Variants in SLC25A14 observed in about 807,000 individuals in gnomAD.
The protein encoded by SLC25A14 is solute carrier family 25 member 14, also known as brain mitochondrial carrier protein 1.
A neutral mutation model predicts 28.1 loss-of-function variants in SLC25A14; 8 were observed. The ratio of observed to expected loss-of-function variants is 0.28; its 90% CI spans 0.17 to 0.51. SLC25A14 has a LOEUF of 0.51. Ranked by LOEUF, SLC25A14 falls within the 20% of genes least tolerant of loss-of-function variation. The pLI is 0.97. For synonymous variants in SLC25A14, 74 were observed against 90.6 expected, an observed-to-expected ratio of 0.82 and a Z score of 1.04; for missense variants, 135 against 263.8, an observed-to-expected ratio of 0.51 and a Z score of 3.38.
chrX:130,340,046 G>T, intron 1 of SLC25A14, 61 bp from the exon 2 acceptor site: 3 of 1,014,550 alleles, frequency 3.0e-6, no homozygotes, highest in Non-Finnish European at 3.8e-6. Context: ...GCGGGGCCGG[G>T]CTGGCCTGGT....
intron 9 of SLC25A14, among the ~76,000 whole-genome samples, chrX:130,366,738 C>T (rs1028073450): frequency 8.9e-6 from 1 of 112,127 alleles, no homozygotes; most frequent in Non-Finnish European, 1.9e-5. Flanking sequence ...ATTAGCTTTG[C>T]ATTTTAAATA....
intron 3 of SLC25A14, among the ~76,000 whole-genome samples, chrX:130,345,856 C>A (rs1313800998): frequency 3.6e-5 from 4 of 111,019 alleles, no homozygotes; most frequent in African/African-American, 1.3e-4. Flanking sequence ...TACCTAATCA[C>A]CTTGTTAGTT....
intron 6 of SLC25A14, 152 bp from the exon 7 acceptor site, chrX:130,358,488 A>T: frequency 2.5e-6 from 1 of 400,773 alleles, no homozygotes; most frequent in Non-Finnish European, 4.4e-6. Flanking sequence ...TAACTAATTA[A>T]CTTTATCATA....
intron 2 of SLC25A14, among the ~76,000 whole-genome samples, chrX:130,342,868 T>G (rs1320940427): frequency 1.8e-5 from 2 of 108,364 alleles, no homozygotes; most frequent in African/African-American, 6.8e-5. Context: ...TAAATACATT[T>G]AGCTGAAAAA....
At chrX:130,369,185 T>G (rs1230912712) in intron 9 of SLC25A14, among the ~76,000 whole-genome samples, 2 of 111,340 alleles carry the variant, frequency 1.8e-5, no homozygotes, top group Non-Finnish European at 3.8e-5. Flanking sequence ...TAGTCTTAGC[T>G]ACTCGGGAGG....
At chrX:130,370,549 C>G (rs1021349998) in intron 9 of SLC25A14, among the ~76,000 whole-genome samples, 1 of 111,817 alleles carries the variant, frequency 8.9e-6, no homozygotes, top group Admixed American at 9.5e-5. Flanking sequence ...TATAAGACCC[C>G]TGTTGTATAA....
At chrX:130,345,494 T>C (rs1263586651) in intron 3 of SLC25A14, among the ~76,000 whole-genome samples, 1 of 111,791 alleles carries the variant, frequency 8.9e-6, no homozygotes, top group East Asian at 2.8e-4. Context: ...GGTAGTTTAG[T>C]GATTTGTTAG....
chrX:130,365,097 A>G, intron 8 of SLC25A14: 1 of 800,582 alleles, frequency 1.2e-6, no homozygotes, highest in Non-Finnish European at 1.5e-6. Flanking sequence ...TGGGAATCAG[A>G]AAAAAAGGGG....
At chrX:130,343,903 G>A (rs761393129) in intron 2 of SLC25A14, among the ~76,000 whole-genome samples, 1 of 112,052 alleles carries the variant, frequency 8.9e-6, no homozygotes, top group African/African-American at 3.2e-5. Flanking sequence ...TGGAGGCATA[G>A]AGAGATTAAC....
At chrX:130,372,839 C>T (rs2034298887) in intron 10 of SLC25A14, 70 bp from the exon 11 acceptor site, 16 of 708,157 alleles carry the variant, frequency 2.3e-5, no homozygotes, top group Admixed American at 1.9e-4. Context: ...TAAGAGAATG[C>T]GATGCTAATT....
chrX:130,352,150 T>A, intron 6 of SLC25A14, among the ~76,000 whole-genome samples: 1 of 112,012 alleles, frequency 8.9e-6, no homozygotes, highest in Middle Eastern at 4.6e-3. Flanking sequence ...CTCCCACTTA[T>A]AAGTGAGAAC....
At chrX:130,359,646 T>G (rs1030154925) in intron 7 of SLC25A14, among the ~76,000 whole-genome samples, 7 of 110,577 alleles carry the variant, frequency 6.3e-5, no homozygotes, top group African/African-American at 2.3e-4. Flanking sequence ...GAGAGTGGAA[T>G]GGGAAATCTA....
At chrX:130,361,948 T>G (rs372975531) in intron 7 of SLC25A14, among the ~76,000 whole-genome samples, 1 of 110,954 alleles carries the variant, frequency 9.0e-6, no homozygotes, top group African/African-American at 3.3e-5. Flanking sequence ...GGGCTCCAGT[T>G]TGGGGCCTTA....
At position 130,362,101 on chromosome X, in the gene SLC25A14, TTTTATTTATTTA is replaced by T. The variant is rs756869110; in HGVS notation, c.595-2487_595-2476del. On this transcript the variant is annotated intron_variant, in intron 7 of 10. Transcript: ENST00000545805. ...GCATAGCTGTGTCACTTCCACTTCA[TTTTATTTATTTA>T]TTTATTTATTTATTTATTTATTTAT... 8.1e-3 allele frequency among the ~76,000 whole-genome samples: 779 copies of T among 95,737 alleles called. 7 individuals carry two copies. The highest frequency in any genetic ancestry group is 0.025 in the African/African-American group (634 of 24,873). 83.1% of individuals were successfully genotyped at this position (95,737 alleles called of 115,157 possible).
chrX:130,357,730 C>T (rs1445443422), intron 6 of SLC25A14, among the ~76,000 whole-genome samples: 3 of 111,824 alleles, frequency 2.7e-5, no homozygotes, highest in Non-Finnish European at 5.6e-5. Context: ...TACATTTGGG[C>T]CGCTAGTATT....
chrX:130,345,394 T>C, intron 3 of SLC25A14, 119 bp downstream of exon 3: 2 of 483,018 alleles, frequency 4.1e-6, no homozygotes, highest in East Asian at 7.3e-5. Flanking sequence ...TTGAAAATTG[T>C]CTCAAAGCCA....
At chrX:130,366,572 A>C (rs747646444) in intron 9 of SLC25A14, among the ~76,000 whole-genome samples, 13 of 112,395 alleles carry the variant, frequency 1.2e-4, no homozygotes, top group Non-Finnish European at 2.3e-4. Context: ...ATTTAAACTC[A>C]GATCACTTGA....
At chrX:130,351,379 A>T (rs1347591476) in intron 6 of SLC25A14, among the ~76,000 whole-genome samples, 1 of 111,275 alleles carries the variant, frequency 9.0e-6, no homozygotes, top group African/African-American at 3.3e-5. Context: ...GGCTTTAAAC[A>T]TGGTATATTT....
chrX:130,343,868 T>C (rs2033343391), intron 2 of SLC25A14, among the ~76,000 whole-genome samples: 1 of 112,335 alleles, frequency 8.9e-6, no homozygotes, highest in African/African-American at 3.2e-5. Context: ...TTTTTATTAT[T>C]AGTTCCATTT....
Sources: gnomAD v4.1 joint callset for allele counts (sites outside exome capture counted in the v4.1 genomes callset) on GRCh38, gnomAD v4.1.1 for gene constraint, MANE v1.5 for transcripts, NCBI Gene and HGNC (gene_info 2026-07-23, HGNC 2026-07-21) for gene names.